Variants in SLC2A1 observed in about 807,000 individuals in gnomAD.
The protein encoded by SLC2A1 is solute carrier family 2 member 1.
Under a neutral mutation model 46.6 loss-of-function variants are expected in SLC2A1, and 4 were observed. That is an observed-to-expected ratio of 0.09 (90% CI 0.04 to 0.20). The LOEUF is 0.20. Ranked by LOEUF, SLC2A1 falls within the 10% of genes least tolerant of loss-of-function variation. The probability of loss-of-function intolerance (pLI) is 1.00; values close to 1 mark genes in which losing one functional copy is unlikely to be tolerated. For synonymous variants in SLC2A1, 253 were observed against 270.0 expected (o/e 0.94, Z 0.62); for missense variants, 352 against 667.0 (o/e 0.53, Z 5.20).
At chr1:42,932,415 A>G (rs1007399061) in intron 2 of SLC2A1, among the ~76,000 whole-genome samples, 3 of 146,910 alleles carry the variant, frequency 2.0e-5, no homozygotes, top group African/African-American at 7.6e-5. Flanking sequence ...AGTTACCCAG[A>G]AACGGCTTCT....
At chr1:42,948,750 A>C (rs1267564888) in intron 1 of SLC2A1, among the ~76,000 whole-genome samples, 1 of 152,126 alleles carries the variant, frequency 6.6e-6, no homozygotes, top group African/African-American at 2.4e-5. Context: ...CCAACACAGC[A>C]AAACCCTGTC....
intron 2 of SLC2A1, among the ~76,000 whole-genome samples, chr1:42,942,019 A>G (rs1243456257): frequency 6.6e-6 from 1 of 152,244 alleles, no homozygotes; most frequent in Non-Finnish European, 1.5e-5. Context: ...AAGCCCAGCT[A>G]ACTCTAGACA....
At chr1:42,949,421 C>G (rs527896290) in intron 1 of SLC2A1, among the ~76,000 whole-genome samples, 1 of 152,176 alleles carries the variant, frequency 6.6e-6, no homozygotes, top group Non-Finnish European at 1.5e-5. Context: ...GGTTTCCTAG[C>G]CTGGCATTCT....
chr1:42,955,137 G>A (rs1333194738), intron 1 of SLC2A1, among the ~76,000 whole-genome samples: 1 of 152,224 alleles, frequency 6.6e-6, no homozygotes, highest in Non-Finnish European at 1.5e-5. Flanking sequence ...TAAAGGCCAA[G>A]GCCCAGGTAC....
chr1:42,936,681 G>A (rs1643545391), intron 2 of SLC2A1, among the ~76,000 whole-genome samples: 2 of 152,154 alleles, frequency 1.3e-5, no homozygotes, highest in African/African-American at 4.8e-5. Flanking sequence ...GTAGACAGAG[G>A]AATCATCCCA....
In SLC2A1 at chr1:42,930,030, G is replaced by A. The variant is rs368733287; in HGVS notation, c.522C>T (p.Phe174=). The change falls in exon 5 of 10, where the codon TTC becomes TTT. Residue 174 remains phenylalanine (F), a synonymous_variant. Transcript: ENST00000426263. This position sits in a 1 kb window ranked among gnomAD's most constrained non-coding sequence, Gnocchi z 6.2. ...IVVGILIAQV[F]GLDSIMGNKD... Reference sequence around the variant, plus strand: ...TGTTGCCCATGATGGAGTCCAGGCCGAACACCTGGGGGAAGCAGGGGCCGT... The same window carrying A: ...TGTTGCCCATGATGGAGTCCAGGCCAAACACCTGGGGGAAGCAGGGGCCGT... 1.4e-5 allele frequency: 23 copies of A among 1,613,852 alleles called. No individual in the cohort carries two copies. The South Asian group carries it at 1.5e-4, about 11-fold the overall frequency.
chr1:42,958,062 G>C (rs1302698360), intron 1 of SLC2A1, among the ~76,000 whole-genome samples: 1 of 152,218 alleles, frequency 6.6e-6, no homozygotes, highest in Non-Finnish European at 1.5e-5. Flanking sequence ...TCGTCACCGC[G>C]GGGGACTGGC....
At chr1:42,944,902 C>T (rs1434603285) in intron 1 of SLC2A1, among the ~76,000 whole-genome samples, 1 of 151,988 alleles carries the variant, frequency 6.6e-6, no homozygotes, top group African/African-American at 2.4e-5. Flanking sequence ...CCCCGTATGT[C>T]CTGGCACTGC....
At position 42,954,592 on chromosome 1, in the gene SLC2A1, A is replaced by G. The variant is rs1254302121; in HGVS notation, c.18+4042T>C. On this transcript the variant is annotated intron_variant, in intron 1 of 9. Coordinates refer to ENST00000426263, the MANE Select transcript of SLC2A1 (RefSeq NM_006516.4). This position sits in a 1 kb window ranked among gnomAD's most constrained non-coding sequence, Gnocchi z 4.2. ...CTTTTGTGATAGCCTTATCTCGGAC[A>G]AATCTCTTCCCTTCTCTGGACTCAA... Among the ~76,000 whole-genome samples, 1 of 152,158 alleles carries G rather than the reference A, an allele frequency of 6.6e-6. No homozygotes were observed. The highest frequency in any genetic ancestry group is 1.5e-5 in the Non-Finnish European group (1 of 68,034).
chr1:42,953,416 T>C (rs1037980453), intron 1 of SLC2A1, among the ~76,000 whole-genome samples: 3 of 152,150 alleles, frequency 2.0e-5, no homozygotes, highest in African/African-American at 7.2e-5. Context: ...ATTGGAGGCT[T>C]GTTAGGGTAG....
chr1:42,930,829 C>T lies in SLC2A1; in HGVS notation c.313G>A (p.Val105Met), dbSNP rs577667739. The T allele has an allele frequency of 1.7e-5, 27 of 1,600,796 alleles. No individual in the cohort carries two copies. Among genetic ancestry groups the T allele is most frequent in the Middle Eastern group, 1.7e-4 (1 of 6,060 alleles). Residue 105 changes from valine to methionine, a missense_variant, in exon 4 of 10, where the codon GTG (valine) becomes ATG (methionine). By Grantham distance (21) the Val-to-Met change is conservative. This residue lies in a region of SLC2A1 where 97 missense variants were observed against 175.6 expected (regional missense o/e 0.55). Coordinates refer to ENST00000426263, the MANE Select transcript of SLC2A1 (RefSeq NM_006516.4). This position sits in a 1 kb window ranked among gnomAD's most constrained non-coding sequence, Gnocchi z 6.2. Reference protein sequence around the residue: ...SMLMMNLLAFVSAVLMGFSKL... With the variant: ...SMLMMNLLAFMSAVLMGFSKL... ...GAGAAGCCCATGAGCACGGCGGACA[C>T]GAAGGCCAGCAGGTTCATCATCAGC...
At chr1:42,931,315 CCA>C (rs1047247994) in intron 2 of SLC2A1, 109 bp from the exon 3 acceptor site, 39 of 1,104,412 alleles carry the variant, frequency 3.5e-5, no homozygotes, top group Non-Finnish European at 4.9e-5. Flanking sequence ...CCTGGCTCTG[CCA>C]CAGATTCACT....
At chr1:42,936,690 C>G (rs750414046) in intron 2 of SLC2A1, among the ~76,000 whole-genome samples, 1 of 152,146 alleles carries the variant, frequency 6.6e-6, no homozygotes, top group Non-Finnish European at 1.5e-5. Flanking sequence ...GGAATCATCC[C>G]ACTGCCGTGG....
rs1299869517 is a variant in SLC2A1 at position 42,926,816 on chromosome 1, C to A, written c.*225G>T. 23 of 1,496,862 alleles carry A rather than the reference C, an allele frequency of 1.5e-5. No homozygotes were observed. The highest frequency in any genetic ancestry group is 1.6e-5 in the Non-Finnish European group (18 of 1,129,412). 92.7% of individuals were successfully genotyped at this position (1,496,862 alleles called of 1,614,324 possible). A position where few individuals can be genotyped will look rare whatever the true frequency, so the allele number is the denominator to read the frequency against. On this transcript the variant is annotated 3_prime_UTR_variant, in exon 10 of 10. Coordinates refer to ENST00000426263, the MANE Select transcript of SLC2A1 (RefSeq NM_006516.4). ...ATCAGTAATAAAAAAATTATAAAAC[C>A]TGTTGCTTGTCTGAATAGATTTGAG...
At chr1:42,934,350 C>T (rs540300882) in intron 2 of SLC2A1, among the ~76,000 whole-genome samples, 1 of 152,214 alleles carries the variant, frequency 6.6e-6, no homozygotes, top group African/African-American at 2.4e-5. Flanking sequence ...TAGACCCATC[C>T]TCTCCAGCCC....
chr1:42,952,359 C>G (rs1643730153), intron 1 of SLC2A1: 1 of 477,006 alleles, frequency 2.1e-6, no homozygotes. Context: ...CAGGCCCACA[C>G]TCAGCCTAGC....
chr1:42,943,441 G>T, intron 1 of SLC2A1, 120 bp from the exon 2 acceptor site: 1 of 793,020 alleles, frequency 1.3e-6, no homozygotes, highest in Non-Finnish European at 2.2e-6. Context: ...CACCACACCA[G>T]TCTTTCTCCC....
intron 2 of SLC2A1, among the ~76,000 whole-genome samples, chr1:42,932,412 C>G (rs1486889539): frequency 6.6e-6 from 1 of 151,462 alleles, no homozygotes; most frequent in East Asian, 1.9e-4. Context: ...CCTAGTTACC[C>G]AGAAACGGCT....
At position 42,926,628 on chromosome 1, in the gene SLC2A1, C is replaced by G. The variant is rs543194486; in HGVS notation, c.*413G>C. On this transcript the variant is annotated 3_prime_UTR_variant, in exon 10 of 10. Coordinates refer to ENST00000426263, the MANE Select transcript of SLC2A1 (RefSeq NM_006516.4). ...GATAGAAGCTTTGTAGTTCATAGTT[C>G]GATTAGTGTGTCCTTAGGACATAGG... The G allele has an allele frequency of 8.9e-7, 1 of 1,118,750 alleles. No homozygotes were observed. The highest frequency in any genetic ancestry group is 1.6e-5 in the African/African-American group (1 of 61,848). 69.3% of individuals were successfully genotyped at this position (1,118,750 alleles called of 1,614,324 possible).
Sources: allele counts gnomAD v4.1 joint callset (sites outside exome capture counted in the v4.1 genomes callset), GRCh38; gene constraint gnomAD v4.1.1; regional missense constraint gnomAD v4.1.1; non-coding constraint Gnocchi (gnomAD v3.1); transcripts MANE v1.5; gene names NCBI Gene and HGNC (gene_info 2026-07-23, HGNC 2026-07-21).